Variants in ABCC8 observed in about 807,000 individuals in gnomAD.
ABCC8 encodes the protein ATP binding cassette subfamily C member 8.
Under a neutral mutation model 188.0 loss-of-function variants are expected in ABCC8, and 137 were observed. The ratio of observed to expected loss-of-function variants is 0.73; its 90% CI spans 0.63 to 0.84. The LOEUF (loss-of-function observed/expected upper bound fraction) is 0.84, where lower values mean the gene tolerates loss of function less well. Among genes scored for constraint, ABCC8 ranks in the 40% least tolerant of loss-of-function variants. The pLI is 0.00. For missense variants in ABCC8, 1,750 were observed against 2,072.7 expected, an observed-to-expected ratio of 0.84 and a Z score of 3.02; for synonymous variants, 797 against 846.5, an observed-to-expected ratio of 0.94 and a Z score of 1.01.
intron 16 of ABCC8, among the ~76,000 whole-genome samples, chr11:17,425,609 A>T (rs1345200924): frequency 6.6e-6 from 1 of 152,166 alleles, no homozygotes; most frequent in East Asian, 1.9e-4. Context: ...TCCTCTGCCC[A>T]GGTTGCTGAA....
chr11:17,402,462 C>T (rs1954293755), intron 29 of ABCC8, among the ~76,000 whole-genome samples, 199 bp downstream of exon 29: 1 of 152,186 alleles, frequency 6.6e-6, no homozygotes, highest in Admixed American at 6.5e-5. Context: ...TGGAATTTTC[C>T]TCTCTAGAAC....
intron 16 of ABCC8, among the ~76,000 whole-genome samples, chr11:17,423,436 T>C (rs1469058427): frequency 6.7e-6 from 1 of 149,068 alleles, no homozygotes; most frequent in Non-Finnish European, 1.5e-5. Flanking sequence ...GGGTCTAGTA[T>C]ACACTAGGCG....
Position 17,443,307 on chromosome 11 carries a change from A to G in ABCC8, c.1338T>C (p.Ile446=), listed in dbSNP as rs1418841349. 1 of 1,613,874 alleles carries G rather than the reference A, an allele frequency of 6.2e-7. No individual in the cohort carries two copies. Among genetic ancestry groups the G allele is most frequent in the African/African-American group, 1.3e-5 (1 of 74,846 alleles). ...TGTAGTAGAGGAGAATCACACCCAC[A>G]ATGATCTGAGGAAGGGGTCATGGGT... The part of the protein sequence containing the change: ...PNLWAMPVQI[I]VGVILLYYIL... The change falls in exon 9 of 39, where the codon ATT becomes ATC. Residue 446 remains isoleucine, a synonymous_variant. Transcript: ENST00000389817.
chr11:17,398,961 C>G (rs948370373), intron 29 of ABCC8: 3 of 186,772 alleles, frequency 1.6e-5, no homozygotes, highest in African/African-American at 4.7e-5. Flanking sequence ...TCCTCTCCCC[C>G]ACTGTTTAGA....
chr11:17,448,717 A>T lies in ABCC8; in HGVS notation c.1177-46T>A, dbSNP rs370650481. On this transcript the variant is annotated intron_variant, in intron 7 of 38. Transcript: ENST00000389817. ...TTTCACATTCATCATCATTCTCATC[A>T]TCATCACCACACCAGATGCCACCTG... 1.9e-6 allele frequency: 3 copies of T among 1,613,690 alleles called. No homozygotes were observed. In the East Asian group the frequency reaches 6.7e-5, roughly 36 times the overall value.
rs147170162 is a variant in ABCC8 at position 17,393,005 on chromosome 11, G to A, written c.4732C>T (p.Arg1578Cys). Residue 1578 changes from arginine (R) to cysteine (C), a missense_variant, in exon 39 of 39, where the codon CGT becomes TGT. Physicochemically the swap from Arg to Cys is radical, Grantham distance 180. Coordinates refer to ENST00000389817, the MANE Select transcript of ABCC8 (RefSeq NM_000352.6). Reference protein sequence around the residue: ...RKDSVFASFVRADK With the variant: ...RKDSVFASFVCADK The stretch of plus-strand genomic sequence containing the variant: ...GCTCTGGCAGGTCACTTGTCTGCAC[G>A]GACGAAGGAGGCGAAGACGCTGTCC... 6.8e-6 allele frequency: 11 copies of A among 1,614,124 alleles called. No individual in the cohort carries two copies. The highest frequency in any genetic ancestry group is 2.2e-5 in the East Asian group (1 of 44,888).
intron 31 of ABCC8, 152 bp downstream of exon 31, chr11:17,397,532 C>A: frequency 7.1e-7 from 1 of 1,415,488 alleles, no homozygotes; most frequent in Non-Finnish European, 9.6e-7. Context: ...CTGGGGCCTG[C>A]TGGTCAGCCT....
At position 17,427,790 on chromosome 11, in the gene ABCC8, C is replaced by T; in HGVS notation, c.2116+77G>A. 10 of 1,561,300 alleles carry T rather than the reference C, an allele frequency of 6.4e-6. No homozygotes were observed. Among genetic ancestry groups the T allele is most frequent in the Non-Finnish European group, 8.7e-6 (10 of 1,145,618 alleles). On this transcript the variant is annotated intron_variant, in intron 15 of 38. Transcript: ENST00000389817. The surrounding 1 kb of genome is among the most constrained non-coding windows in gnomAD (Gnocchi z 5.0). ...GCAGAGAGTAGGTGCTCAATAAATGCAGCTTTGTCTTTTTATCTCTATGTT... is the reference window on the plus strand; with the variant it reads ...GCAGAGAGTAGGTGCTCAATAAATGTAGCTTTGTCTTTTTATCTCTATGTT...
intron 2 of ABCC8, among the ~76,000 whole-genome samples, chr11:17,472,786 C>G (rs992739414): frequency 6.6e-6 from 1 of 152,174 alleles, no homozygotes; most frequent in Non-Finnish European, 1.5e-5. Flanking sequence ...TCCAGTTTCC[C>G]ACATTCTGGG....
chr11:17,433,392 G>T (rs1335037776), intron 10 of ABCC8, among the ~76,000 whole-genome samples: 1 of 152,238 alleles, frequency 6.6e-6, no homozygotes, highest in African/African-American at 2.4e-5. Flanking sequence ...TCTAATGAAT[G>T]GCAAAGTCTT....
At chr11:17,461,478 C>G in intron 5 of ABCC8, 105 bp downstream of exon 5, 1 of 1,465,886 alleles carries the variant, frequency 6.8e-7, no homozygotes, top group Non-Finnish European at 9.5e-7. Context: ...CCTCAGTTTC[C>G]CCTCTTGTCC....
chr11:17,428,811 C>G, intron 12 of ABCC8, 141 bp from the exon 13 acceptor site: 1 of 1,465,424 alleles, frequency 6.8e-7, no homozygotes, highest in South Asian at 1.3e-5. Flanking sequence ...GGGGGCAGAC[C>G]AGTGGGCATG....
intron 36 of ABCC8, 178 bp downstream of exon 36, chr11:17,394,994 C>T (rs985412743): frequency 1.3e-6 from 1 of 755,658 alleles, no homozygotes; most frequent in East Asian, 2.7e-5. Flanking sequence ...AGTTGTGTGA[C>T]CTGGGGCAAG....
intron 8 of ABCC8, among the ~76,000 whole-genome samples, chr11:17,446,844 A>G (rs1564953136): frequency 6.6e-6 from 1 of 152,192 alleles, no homozygotes; most frequent in Non-Finnish European, 1.5e-5. Context: ...TCTAAGCTTT[A>G]CAAGTAAGGA....
chr11:17,395,224 G>T lies in ABCC8; in HGVS notation c.4359C>A (p.Ala1453=), dbSNP rs769435360. ...CCAGCTTCAGCTGGGCGATTTCCAG[G>T]GCCTCCCACAGTGTGCTATCTGAGC... The part of the protein sequence containing the change: ...RKCSDSTLWE[A]LEIAQLKLVV... Residue 1453 remains alanine (A), a synonymous_variant, in exon 36 of 39, where the codon GCC becomes GCA. Transcript: ENST00000389817. 1 of 1,599,018 alleles carries T rather than the reference G, an allele frequency of 6.3e-7. No individual in the cohort carries two copies. Among genetic ancestry groups the T allele is most frequent in the Non-Finnish European group, 8.5e-7 (1 of 1,171,700 alleles).
At chr11:17,412,639 C>T in intron 21 of ABCC8, 27 bp downstream of exon 21, 4 of 1,602,004 alleles carry the variant, frequency 2.5e-6, no homozygotes, top group Middle Eastern at 3.3e-4. Context: ...AGCCAGAGAC[C>T]AGGACCCCAA....
At chr11:17,419,877 A>G (rs558816484) in intron 16 of ABCC8, among the ~76,000 whole-genome samples, 7 of 152,356 alleles carry the variant, frequency 4.6e-5, no homozygotes, top group Admixed American at 3.9e-4. Context: ...ATCTGAGGCA[A>G]GCTCCTTTAC....
chr11:17,397,906 C>T, intron 30 of ABCC8, 109 bp from the exon 31 acceptor site: 1 of 1,532,340 alleles, frequency 6.5e-7, no homozygotes, highest in Non-Finnish European at 8.7e-7. Flanking sequence ...GCCTCCACTC[C>T]AGCCCTGCAA....
In ABCC8 at chr11:17,443,089, A is replaced by G. The variant is rs893327120; in HGVS notation, c.1467+89T>C. On this transcript the variant is annotated intron_variant, in intron 9 of 38. Coordinates refer to ENST00000389817, the MANE Select transcript of ABCC8 (RefSeq NM_000352.6). ...CTACTCAAAGTCAAAGTCAAAGTCA[A>G]TGACAGTGTGGGTGTGTGGGAGGAG... 1.7e-5 allele frequency: 26 copies of G among 1,542,486 alleles called. No homozygotes were observed. The African/African-American group carries it at 2.7e-4, about 16-fold the overall frequency.
Sources: gnomAD v4.1 joint callset for allele counts (sites outside exome capture counted in the v4.1 genomes callset) on GRCh38, gnomAD v4.1.1 for gene constraint, Gnocchi (gnomAD v3.1) non-coding constraint, MANE v1.5 for transcripts, NCBI Gene and HGNC (gene_info 2026-07-23, HGNC 2026-07-21) for gene names.